The following STAM2 variants were observed in gnomAD, a reference collection of about 807,000 sequenced individuals.
The protein encoded by STAM2 is signal transducing adapter molecule 2.
In STAM2, 51 loss-of-function variants were observed where a neutral mutation model predicts 65.6. The ratio of observed to expected loss-of-function variants is 0.78; its 90% CI spans 0.62 to 0.98. The LOEUF (loss-of-function observed/expected upper bound fraction) is 0.98, where lower values mean the gene tolerates loss of function less well. Among genes scored for constraint, STAM2 ranks in the 50% least tolerant of loss-of-function variants. The pLI is 0.00. For synonymous variants in STAM2, 198 were observed against 208.4 expected, an observed-to-expected ratio of 0.95 and a Z score of 0.43; for missense variants, 584 against 617.8, an observed-to-expected ratio of 0.95 and a Z score of 0.58.
intron 7 of STAM2, among the ~76,000 whole-genome samples, chr2:152,141,402 C>T (rs1420904068): frequency 5.3e-5 from 8 of 150,714 alleles, no homozygotes; most frequent in South Asian, 2.1e-4. Context: ...GGCATGGTGG[C>T]GCATGCCTGT....
chr2:152,131,809 A>G, intron 11 of STAM2: 1 of 306,918 alleles, frequency 3.3e-6, no homozygotes, highest in South Asian at 4.8e-5. Context: ...ACTAGAGAGT[A>G]GGCACACTGG....
chr2:152,156,846 A>G (rs1173643039), intron 1 of STAM2, among the ~76,000 whole-genome samples: 4 of 152,162 alleles, frequency 2.6e-5, no homozygotes. Context: ...TCCTCCTATT[A>G]TGTTTGCAAA....
intron 1 of STAM2, among the ~76,000 whole-genome samples, chr2:152,175,308 T>G (rs1689993359): frequency 6.6e-6 from 1 of 152,150 alleles, no homozygotes; most frequent in African/African-American, 2.4e-5. Context: ...CACAACTACT[T>G]AATCAGTCCA....
intron 8 of STAM2, among the ~76,000 whole-genome samples, chr2:152,135,190 A>C (rs1654091064): frequency 6.6e-6 from 1 of 152,230 alleles, no homozygotes; most frequent in South Asian, 2.1e-4. Context: ...CTTTGTACAG[A>C]ATAGATATGA....
chr2:152,123,970 C>T (rs1249466388), intron 12 of STAM2, 35 bp from the exon 13 acceptor site: 3 of 1,554,734 alleles, frequency 1.9e-6, no homozygotes, highest in Non-Finnish European at 2.7e-6. Context: ...ATTCACTCAT[C>T]TCCCAAACAT....
At chr2:152,127,970 G>A (rs999723399) in intron 11 of STAM2, among the ~76,000 whole-genome samples, 1 of 152,040 alleles carries the variant, frequency 6.6e-6, no homozygotes, top group African/African-American at 2.4e-5. Context: ...ACAGACACAG[G>A]ACTACCAAGT....
chr2:152,144,927 A>G lies in STAM2; in HGVS notation c.478T>C (p.Ser160Pro). 5 of 1,614,012 alleles carry G rather than the reference A, an allele frequency of 3.1e-6. No individual in the cohort carries two copies. The highest frequency in any genetic ancestry group is 4.2e-6 in the Non-Finnish European group (5 of 1,179,910). Residue 160 changes from serine to proline, a missense_variant, in exon 6 of 14, where the codon TCA becomes CCA. Physicochemically the swap from Ser to Pro is moderately conservative, Grantham distance 74 (BLOSUM62 -1). Transcript: ENST00000263904. The stretch of plus-strand genomic sequence containing the variant: ...TCATCCTCTTTGTTTTTGTTCGATG[A>G]CGTACCATTCTTGGCAGCAGCTGAG... ...TVSAAAKNGTSSNKNKEDEDI... is the reference protein window; with the variant it reads ...TVSAAAKNGTPSNKNKEDEDI...
At chr2:152,144,751 C>T in intron 6 of STAM2, 137 bp downstream of exon 6, 1 of 634,272 alleles carries the variant, frequency 1.6e-6, no homozygotes, top group Admixed American at 2.5e-5. Context: ...GTTGGTCAGG[C>T]TGGTCTCGAT....
chr2:152,162,004 T>G (rs898422565), intron 1 of STAM2, among the ~76,000 whole-genome samples: 28 of 152,034 alleles, frequency 1.8e-4, no homozygotes, highest in African/African-American at 6.8e-4. Context: ...GTATTCTTAG[T>G]AGAGATGGGG....
At chr2:152,175,574 A>G in intron 1 of STAM2, 29 bp downstream of exon 1, 2 of 1,613,828 alleles carry the variant, frequency 1.2e-6, no homozygotes, top group Non-Finnish European at 1.7e-6. Flanking sequence ...CCAGGCACAC[A>G]GCAGTCCAGG....
At chr2:152,139,669 C>T (rs1021827353) in intron 7 of STAM2, among the ~76,000 whole-genome samples, 2 of 152,184 alleles carry the variant, frequency 1.3e-5, no homozygotes, top group East Asian at 1.9e-4. Context: ...TCTCCTTTCT[C>T]CTTCCTCCCA....
intron 1 of STAM2, among the ~76,000 whole-genome samples, chr2:152,160,367 G>A (rs1028570584): frequency 8.0e-5 from 12 of 149,676 alleles, no homozygotes; most frequent in African/African-American, 2.7e-4. Context: ...TGTGGGGAGC[G>A]CCTCTGCCCT....
chr2:152,159,809 T>C (rs942059190), intron 1 of STAM2, among the ~76,000 whole-genome samples: 18 of 152,228 alleles, frequency 1.2e-4, no homozygotes, highest in African/African-American at 4.3e-4. Flanking sequence ...CCGCCATCTC[T>C]GCTCACTGCA....
chr2:152,117,000 G>A lies in STAM2; in HGVS notation c.*3574C>T, dbSNP rs935757594. On this transcript the variant is annotated 3_prime_UTR_variant, in exon 14 of 14. Transcript: ENST00000263904. ...TGCAAATGTATCCACCACAGATAAG[G>A]GCGGGGGTGAGGGGTGGCTACTGTT... 3 of 152,184 alleles carry A rather than the reference G, an allele frequency of 2.0e-5. No homozygotes were observed. The highest frequency in any genetic ancestry group is 2.9e-5 in the Non-Finnish European group (2 of 68,104). 9.4% of individuals were successfully genotyped at this position (152,184 alleles called of 1,614,324 possible).
chr2:152,120,477 A>T lies in STAM2; in HGVS notation c.*97T>A. 9.1e-6 allele frequency: 8 copies of T among 877,978 alleles called. No homozygotes were observed. Among genetic ancestry groups the T allele is most frequent in the East Asian group, 3.4e-5 (1 of 29,638 alleles). The allele number at this position is 877,978 out of a possible 1,614,324, so 54.4% of individuals were successfully genotyped here. ...GCTTTATTTATTCATGGTCCTTTTG[A>T]GTTGAGAGGGAAAAAAGTTTTAATA... is the stretch of plus-strand genomic sequence containing the variant. On this transcript the variant is annotated 3_prime_UTR_variant, in exon 14 of 14. Transcript: ENST00000263904.
At chr2:152,147,028 G>A (rs1689348806) in intron 5 of STAM2, 134 bp downstream of exon 5, 1 of 753,046 alleles carries the variant, frequency 1.3e-6, no homozygotes, top group Non-Finnish European at 2.0e-6. Context: ...CGTAAGGAAG[G>A]CACTATGCTA....
intron 1 of STAM2, among the ~76,000 whole-genome samples, chr2:152,160,486 C>T (rs1315569386): frequency 3.3e-5 from 5 of 151,140 alleles, no homozygotes; most frequent in South Asian, 2.1e-4. Flanking sequence ...GGAGCCCCTC[C>T]GCCCGGCAGC....
At chr2:152,173,538 A>T (rs989586550) in intron 1 of STAM2, among the ~76,000 whole-genome samples, 5 of 151,920 alleles carry the variant, frequency 3.3e-5, no homozygotes, top group African/African-American at 1.2e-4. Flanking sequence ...CAGGGACTAC[A>T]GGCACGCGCC....
chr2:152,138,052 C>A (rs1489894278), intron 7 of STAM2, among the ~76,000 whole-genome samples: 1 of 152,102 alleles, frequency 6.6e-6, no homozygotes, highest in African/African-American at 2.4e-5. Context: ...TTATTGCACA[C>A]CTTCAAATTT....
Sources: gnomAD v4.1 joint callset for allele counts (sites outside exome capture counted in the v4.1 genomes callset) on GRCh38, gnomAD v4.1.1 for gene constraint, MANE v1.5 for transcripts, NCBI Gene and HGNC (gene_info 2026-07-23, HGNC 2026-07-21) for gene names.